Variants in PCDH19 observed in about 807,000 individuals in gnomAD.
The protein encoded by PCDH19 is protocadherin 19.
A neutral mutation model predicts 46.2 loss-of-function variants in PCDH19; 6 were observed. The ratio of observed to expected loss-of-function variants is 0.13; its 90% CI spans 0.07 to 0.26. The LOEUF (loss-of-function observed/expected upper bound fraction) is 0.26, where lower values mean the gene tolerates loss of function less well. Among genes scored for constraint, PCDH19 ranks in the 10% least tolerant of loss-of-function variants. The pLI is 1.00. For synonymous variants in PCDH19, 481 were observed against 415.7 expected (o/e 1.16, Z -1.91); for missense variants, 740 against 972.3 (o/e 0.76, Z 3.18).
At position 100,409,839 on chromosome X, in the gene PCDH19, G is replaced by A. The variant is rs769513326; in HGVS notation, c.-1242C>T. The stretch of plus-strand genomic sequence containing the variant: ...TCGCCGCCGAAGTTTACTTGCAGGA[G>A]CGTCTTGATTTCATCTTCCCGGAGA... On this transcript the variant is annotated 5_prime_UTR_variant, in exon 1 of 6. Transcript: ENST00000373034. 21 of 280,586 alleles carry A rather than the reference G, an allele frequency of 7.5e-5. No homozygotes were observed. Among genetic ancestry groups the A allele is most frequent in the African/African-American group, 2.0e-4 (7 of 35,197 alleles). The allele number at this position is 280,586 out of a possible 1,213,427, so 23.1% of individuals were successfully genotyped here.
chrX:100,406,395 G>T, intron 1 of PCDH19, 56 bp downstream of exon 1: 1 of 937,589 alleles, frequency 1.1e-6, no homozygotes, highest in Non-Finnish European at 1.5e-6. Context: ...TTCACACAGA[G>T]ACACAGATAA....
chrX:100,375,111 T>C (rs1461024663), intron 3 of PCDH19, among the ~76,000 whole-genome samples: 11 of 111,890 alleles, frequency 9.8e-5, no homozygotes, highest in Non-Finnish European at 1.7e-4. Flanking sequence ...TTAAGCCCTA[T>C]ATGATTTTTT....
intron 3 of PCDH19, among the ~76,000 whole-genome samples, chrX:100,374,267 T>C (rs1036881459): frequency 1.8e-5 from 2 of 112,541 alleles, no homozygotes; most frequent in African/African-American, 6.5e-5. Context: ...TAGCTGTCCA[T>C]TCAAATAAAT....
At chrX:100,360,866 A>T (rs970016713) in intron 3 of PCDH19, among the ~76,000 whole-genome samples, 5 of 112,214 alleles carry the variant, frequency 4.5e-5, no homozygotes, top group African/African-American at 1.6e-4. Context: ...AGCAATAAGA[A>T]GATGACTCAA....
intron 3 of PCDH19, among the ~76,000 whole-genome samples, chrX:100,358,326 A>G (rs1479526815): frequency 8.9e-6 from 1 of 112,082 alleles, no homozygotes; most frequent in Non-Finnish European, 1.9e-5. Context: ...AGTGACTGTC[A>G]GGACAGGACT....
Position 100,348,083 on chromosome X carries a change from A to G in PCDH19, c.2675+2563T>C, listed in dbSNP as rs947806836. Among the ~76,000 whole-genome samples the G allele has an allele frequency of 1.4e-3, 151 of 106,515 alleles. 1 individual carries two copies. The highest frequency in any genetic ancestry group is 3.7e-3 in the African/African-American group (106 of 28,507). 92.5% of individuals were successfully genotyped at this position (106,515 alleles called of 115,157 possible). ...TCCGTCTCAAAAAAAAAAAAAAAAA[A>G]AAAGAAAGAAAGAAAGAAAAAGAAG... On this transcript the variant is annotated intron_variant, in intron 4 of 5. Transcript: ENST00000373034.
intron 5 of PCDH19, among the ~76,000 whole-genome samples, chrX:100,329,985 C>T (rs1486264940): frequency 8.9e-6 from 1 of 112,325 alleles, no homozygotes. Context: ...AAATTTAAAA[C>T]GGTTCACGTT....
At chrX:100,314,666 T>C (rs984659521) in intron 5 of PCDH19, among the ~76,000 whole-genome samples, 11 of 111,572 alleles carry the variant, frequency 9.9e-5, no homozygotes, top group East Asian at 8.5e-4. Context: ...CAGGGTAGAA[T>C]AGAAGAGTGA....
In PCDH19 at chrX:100,293,973, A is replaced by G. The variant is rs1044527674; in HGVS notation, c.*2304T>C. ...CTTTTCTGCTCCCTGGTTCCCACTG[A>G]GCATAGCAAGAAATACACCTGTAGA... On this transcript the variant is annotated 3_prime_UTR_variant, in exon 6 of 6. Coordinates refer to ENST00000373034, the MANE Select transcript of PCDH19 (RefSeq NM_001184880.2). The G allele has an allele frequency of 1.8e-5, 2 of 111,687 alleles. No homozygotes were observed. Among genetic ancestry groups the G allele is most frequent in the Admixed American group, 1.9e-4 (2 of 10,522 alleles). 9.2% of individuals were successfully genotyped at this position (111,687 alleles called of 1,213,427 possible). A position where few individuals can be genotyped will look rare whatever the true frequency, so the allele number is the denominator to read the frequency against.
chrX:100,333,167 A>AGGGAGGGAGGGAGGG (rs1569294654), intron 5 of PCDH19, among the ~76,000 whole-genome samples: 1 of 34,393 alleles, frequency 2.9e-5, no homozygotes, highest in African/African-American at 8.5e-5. Context: ...GGAAGGAAGG[A>AGGGAGGGAGGGAGGG]AGGAAGGGAG....
At chrX:100,303,979 T>C (rs1325852845) in intron 5 of PCDH19, among the ~76,000 whole-genome samples, 1 of 111,644 alleles carries the variant, frequency 9.0e-6, no homozygotes, top group African/African-American at 3.3e-5. Context: ...TGGAGAAAAA[T>C]TTCCACATTT....
chrX:100,403,776 C>T (rs774456190), intron 1 of PCDH19, 112 bp from the exon 2 acceptor site: 5 of 614,761 alleles, frequency 8.1e-6, no homozygotes, highest in Non-Finnish European at 9.8e-6. Flanking sequence ...TTAACACTGA[C>T]ACAGACCCAG....
chrX:100,387,507 C>T (rs1446516792), intron 3 of PCDH19, among the ~76,000 whole-genome samples: 5 of 111,431 alleles, frequency 4.5e-5, no homozygotes, highest in Non-Finnish European at 7.5e-5. Flanking sequence ...CACTTCCCTC[C>T]AAATTGGCCA....
intron 3 of PCDH19, among the ~76,000 whole-genome samples, chrX:100,367,565 G>A (rs375092318): frequency 2.7e-5 from 3 of 111,669 alleles, no homozygotes; most frequent in South Asian, 7.7e-4. Context: ...TGGACGGGAG[G>A]AACACTGTGT....
Position 100,341,767 on chromosome X carries a change from C to T in PCDH19, c.2848+136G>A, listed in dbSNP as rs1439719766. On this transcript the variant is annotated intron_variant, in intron 5 of 5. Transcript: ENST00000373034. ...CTAGGTGTCAGGACATCTCAAAAAC[C>T]TGTAGATGCTGCTGAGGTGTGAGCT... is the stretch of plus-strand genomic sequence containing the variant. The T allele has an allele frequency of 8.9e-6, 5 of 561,159 alleles. No homozygotes were observed. The East Asian group carries it at 1.8e-4, about 20-fold the overall frequency. The allele number at this position is 561,159 out of a possible 1,213,427, so 46.2% of individuals were successfully genotyped here. A position where few individuals can be genotyped will look rare whatever the true frequency, so the allele number is the denominator to read the frequency against.
intron 3 of PCDH19, among the ~76,000 whole-genome samples, chrX:100,379,588 T>G (rs1354640163): frequency 1.8e-5 from 2 of 111,690 alleles, no homozygotes; most frequent in African/African-American, 3.3e-5. Context: ...CTCTGCTGAC[T>G]GTCAGACAGA....
chrX:100,357,328 T>G (rs919788444), intron 3 of PCDH19, among the ~76,000 whole-genome samples: 1 of 112,037 alleles, frequency 8.9e-6, no homozygotes, highest in African/African-American at 3.2e-5. Context: ...CCCTCATATG[T>G]GTCATATGTA....
rs1049752404 is a variant in PCDH19, at chrX:100,321,318, A to G, written c.2848+20585T>C. On this transcript the variant is annotated intron_variant, in intron 5 of 5. Coordinates refer to ENST00000373034, the MANE Select transcript of PCDH19 (RefSeq NM_001184880.2). Reference sequence around the variant, plus strand: ...GACTGCTGGATCAAATGGTAGTTCTACCTTTAGATCTTTAAGGAATTTCCA... The same window carrying G: ...GACTGCTGGATCAAATGGTAGTTCTGCCTTTAGATCTTTAAGGAATTTCCA... 3.6e-5 allele frequency among the ~76,000 whole-genome samples: 4 copies of G among 111,789 alleles called. No homozygotes were observed. The Admixed American group carries it at 3.8e-4, about 11-fold the overall frequency.
chrX:100,366,823 G>C (rs1165637616), intron 3 of PCDH19, among the ~76,000 whole-genome samples: 3 of 112,073 alleles, frequency 2.7e-5, no homozygotes, highest in Non-Finnish European at 5.6e-5. Context: ...CTCATTCTAT[G>C]AACTTGAAAG....
Sources: allele counts gnomAD v4.1 joint callset (sites outside exome capture counted in the v4.1 genomes callset), GRCh38; gene constraint gnomAD v4.1.1; transcripts MANE v1.5; gene names NCBI Gene and HGNC (gene_info 2026-07-23, HGNC 2026-07-21).